The following PAK3 variants were observed in gnomAD, a reference collection of about 807,000 sequenced individuals.
The protein encoded by PAK3 is serine/threonine-protein kinase PAK 3.
Under a neutral mutation model 41.0 loss-of-function variants are expected in PAK3, and 4 were observed. The observed-to-expected ratio is 0.10, with a 90% CI of 0.05 to 0.22. The LOEUF (loss-of-function observed/expected upper bound fraction) is 0.22. Among genes scored for constraint, PAK3 ranks in the 10% least tolerant of loss-of-function variants. The pLI, the probability that PAK3 is intolerant of heterozygous loss-of-function variation, is 1.00. For missense variants in PAK3, 205 were observed against 409.9 expected (o/e 0.50, Z 4.32); for synonymous variants, 146 against 139.6 (o/e 1.05, Z -0.32).
At chrX:111,042,720 T>C (rs1004886691) in intron 1 of PAK3, among the ~76,000 whole-genome samples, 2 of 112,370 alleles carry the variant, frequency 1.8e-5, no homozygotes, top group Non-Finnish European at 3.8e-5. Context: ...TTGTGATGTC[T>C]GTCTTTTATT....
intron 10 of PAK3, 60 bp from the exon 11 acceptor site, chrX:111,172,954 TTCTC>T (rs763717339): frequency 7.3e-4 from 413 of 562,324 alleles, no homozygotes; most frequent in East Asian, 1.5e-3. Context: ...CAATTTCTAT[TTCTC>T]TCTCTCTCTC....
At chrX:111,220,259 A>T (rs2094917757) in intron 17 of PAK3, 99 bp from the exon 18 acceptor site, 1 of 569,273 alleles carries the variant, frequency 1.8e-6, no homozygotes, top group Non-Finnish European at 3.0e-6. Flanking sequence ...TGGGTGTTCA[A>T]AATATATCTT....
Position 111,220,443 on chromosome X carries a change from G to A in PAK3, c.1631G>A (p.Arg544His), listed in dbSNP as rs1251435916. The change falls in exon 18 of 18, where the codon CGC (arginine) becomes CAC (histidine). Residue 544 changes from arginine to histidine, a missense_variant. This residue lies in a region of PAK3 where 40 missense variants were observed against 54.4 expected (regional missense o/e 0.74). Coordinates refer to ENST00000372007, the MANE Select transcript of PAK3 (RefSeq NM_002578.5). Reference protein sequence around the residue: ...AAKEAIKNSSR With the variant: ...AAKEAIKNSSH ...AAGGAAGCAATTAAGAACAGCAGCCGCTAAGACTGCAAGCCTTACACCTCA... is the reference window on the plus strand; with the variant it reads ...AAGGAAGCAATTAAGAACAGCAGCCACTAAGACTGCAAGCCTTACACCTCA... The A allele has an allele frequency of 8.7e-7, 1 of 1,144,252 alleles. No homozygotes were observed. Among genetic ancestry groups the A allele is most frequent in the Non-Finnish European group, 1.2e-6 (1 of 835,608 alleles). The allele number at this position is 1,144,252 out of a possible 1,213,427, so 94.3% of individuals were successfully genotyped here. A position where few individuals can be genotyped will look rare whatever the true frequency, so the allele number is the denominator to read the frequency against.
At chrX:111,152,024 T>C in intron 7 of PAK3, among the ~76,000 whole-genome samples, 1 of 112,284 alleles carries the variant, frequency 8.9e-6, no homozygotes, top group Admixed American at 9.4e-5. Context: ...TCTGCAATTT[T>C]TGATGTAATA....
chrX:111,064,177 A>G (rs2148813660), intron 1 of PAK3, among the ~76,000 whole-genome samples: 1 of 112,472 alleles, frequency 8.9e-6, no homozygotes, highest in African/African-American at 3.2e-5. Flanking sequence ...CTTTAGACGA[A>G]TAATTTCTTA....
chrX:111,098,592 A>T (rs1234589142), intron 3 of PAK3: 2 of 110,745 alleles, frequency 1.8e-5, no homozygotes, highest in Non-Finnish European at 3.8e-5. Context: ...AACCAAGAGA[A>T]CAAGAAACTC....
intron 8 of PAK3, among the ~76,000 whole-genome samples, chrX:111,162,657 C>T (rs751251917): frequency 1.8e-5 from 2 of 111,312 alleles, no homozygotes; most frequent in African/African-American, 6.5e-5. Context: ...TGTTTTTGAG[C>T]TCAGTGAGAA....
intron 7 of PAK3, among the ~76,000 whole-genome samples, chrX:111,148,543 TA>T (rs1165470239): frequency 9.0e-6 from 1 of 111,634 alleles, no homozygotes; most frequent in Non-Finnish European, 1.9e-5. Context: ...AAAAGAGGTT[TA>T]ATTGGACTTA....
chrX:111,135,995 C>A (rs148990467), intron 5 of PAK3, among the ~76,000 whole-genome samples: 6,519 of 110,657 alleles, frequency 0.059, 506 homozygotes, highest in African/African-American at 0.2. Flanking sequence ...TTGGTGGATT[C>A]ACTTTAGGTA....
chrX:110,969,777 C>T (rs2091168035), intron 1 of PAK3, among the ~76,000 whole-genome samples: 1 of 111,943 alleles, frequency 8.9e-6, no homozygotes, highest in South Asian at 3.7e-4. Context: ...AAAACAATTA[C>T]TCTTGCTTGA....
intron 4 of PAK3, among the ~76,000 whole-genome samples, chrX:111,108,197 C>T (rs915528667): frequency 8.9e-6 from 1 of 112,105 alleles, no homozygotes; most frequent in African/African-American, 3.2e-5. Context: ...TTAGAGAAGT[C>T]ACTTTCCAAA....
intron 16 of PAK3, among the ~76,000 whole-genome samples, chrX:111,208,934 C>CGTGTGTGTGT (rs202080809): frequency 1.3e-4 from 14 of 104,407 alleles, no homozygotes; most frequent in African/African-American, 4.6e-4. Context: ...CGAGGAATGA[C>CGTGTGTGTGT]GTGTGTGTGT....
chrX:111,012,011 T>TA lies in PAK3; in HGVS notation c.-28+67384dup, dbSNP rs1260907201. On this transcript the variant is annotated intron_variant, in intron 1 of 14. Coordinates refer to the PAK3 transcript ENST00000425146. ...AGCACTTGGGTTGTTTAGAACATTG[T>TA]AGTCATTCTCAGAGACTTTTTGTCT... Among the ~76,000 whole-genome samples, 4 of 111,941 alleles carry TA rather than the reference T, an allele frequency of 3.6e-5. No individual in the cohort carries two copies. The Admixed American group carries it at 3.8e-4, about 11-fold the overall frequency.
intron 1 of PAK3, among the ~76,000 whole-genome samples, chrX:111,024,557 G>A (rs947368948): frequency 2.7e-5 from 3 of 110,687 alleles, no homozygotes; most frequent in Non-Finnish European, 5.7e-5. Flanking sequence ...AAGGCAAGGA[G>A]GGACATTATA....
chrX:111,028,387 C>T (rs188123186), intron 1 of PAK3, among the ~76,000 whole-genome samples: 1 of 110,008 alleles, frequency 9.1e-6, no homozygotes, highest in East Asian at 2.8e-4. Context: ...TCCCCAAAAA[C>T]GTATTGAAAT....
chrX:111,095,669 A>G (rs2092970298), upstream of PAK3, among the ~76,000 whole-genome samples: 1 of 112,044 alleles, frequency 8.9e-6, no homozygotes, highest in East Asian at 2.8e-4. Flanking sequence ...CTAGACTGCC[A>G]TCTCTTTGAA....
intron 1 of PAK3, among the ~76,000 whole-genome samples, chrX:111,069,799 C>A (rs2092728250): frequency 9.0e-6 from 1 of 111,250 alleles, no homozygotes; most frequent in Non-Finnish European, 1.9e-5. Context: ...GTCCCCTCCC[C>A]CAAGTGGACT....
At chrX:111,006,626 T>C (rs966856133) in intron 1 of PAK3, among the ~76,000 whole-genome samples, 9 of 111,137 alleles carry the variant, frequency 8.1e-5, no homozygotes, top group African/African-American at 1.3e-4. Context: ...TTGGAAACCA[T>C]TGGGTTCAGT....
At chrX:111,159,488 C>T (rs113767276) in intron 8 of PAK3, among the ~76,000 whole-genome samples, 3,127 of 111,074 alleles carry the variant, frequency 0.028, 49 homozygotes, top group Non-Finnish European at 0.045. Flanking sequence ...TAAAAAAGTA[C>T]TCAGCTTCCA....
Sources: gnomAD v4.1 joint callset for allele counts (sites outside exome capture counted in the v4.1 genomes callset) on GRCh38, gnomAD v4.1.1 for gene constraint, gnomAD v4.1.1 regional missense constraint, MANE v1.5 for transcripts, NCBI Gene and HGNC (gene_info 2026-07-23, HGNC 2026-07-21) for gene names.